The following IFT122 variants were observed in gnomAD, a reference collection of about 807,000 sequenced individuals.
IFT122 encodes the protein intraflagellar transport protein 122 homolog.
IFT122 carries 118 observed loss-of-function variants against 161.6 expected under a neutral mutation model. That is an observed-to-expected ratio of 0.73 (90% CI 0.63 to 0.85). The LOEUF is 0.85. Among genes scored for constraint, IFT122 ranks in the 40% least tolerant of loss-of-function variants. The pLI, the probability that IFT122 is intolerant of heterozygous loss-of-function variation, is 0.00. For missense variants in IFT122, 1,381 were observed against 1,579.6 expected (o/e 0.87, Z 2.13); for synonymous variants, 550 against 602.4 (o/e 0.91, Z 1.27).
chr3:129,479,620 G>A (rs532280901), intron 12 of IFT122, among the ~76,000 whole-genome samples, 165 bp from the exon 13 acceptor site: 1 of 152,294 alleles, frequency 6.6e-6, no homozygotes, highest in East Asian at 1.9e-4. Flanking sequence ...GCCTTGCATG[G>A]AGTCTTGGAT....
intron 17 of IFT122, among the ~76,000 whole-genome samples, chr3:129,493,564 C>T (rs570566794): frequency 1.8e-4 from 28 of 152,320 alleles, no homozygotes; most frequent in African/African-American, 6.5e-4. Flanking sequence ...TAGCCAAAAA[C>T]TTGGTGGAAT....
chr3:129,458,558 TA>T (rs1237361386), intron 3 of IFT122, 40 bp from the exon 4 acceptor site: 1 of 1,524,162 alleles, frequency 6.6e-7, no homozygotes, highest in East Asian at 2.2e-5. Context: ...AATGCTGGTT[TA>T]AGATAAATGT....
At position 129,502,886 on chromosome 3, in the gene IFT122, A is replaced by AG. The variant is rs752763145; in HGVS notation, c.2547+8dup. 6 of 1,608,030 alleles carry AG rather than the reference A, an allele frequency of 3.7e-6. 1 individual carries two copies. In the South Asian group the frequency reaches 5.5e-5, roughly 15 times the overall value. On this transcript the variant is annotated splice_donor_region_variant and intron_variant, in intron 20 of 29. Coordinates refer to ENST00000348417, the MANE Select transcript of IFT122 (RefSeq NM_052989.3). ...GGAGACCCAGCGCTGGGATGAGGTG[A>AG]GGGGAAAGCAGGCCTCATGGGCTGG... is the stretch of plus-strand genomic sequence containing the variant.
intron 12 of IFT122, among the ~76,000 whole-genome samples, chr3:129,479,388 A>G (rs760391278): frequency 2.6e-5 from 4 of 152,084 alleles, no homozygotes; most frequent in Non-Finnish European, 5.9e-5. Context: ...GTGAGCTATG[A>G]TAGCGCCACT....
rs2083227832 is a variant in IFT122 at position 129,514,456 on chromosome 3, T to A, written c.3055T>A (p.Tyr1019Asn). The stretch of plus-strand genomic sequence containing the variant: ...TGCCTACAGGCTGGCCCGGCACGCC[T>A]ATGACAAGCTGCGTGGCCTGTACAT... ...LGAYRLARHAYDKLRGLYIPA... is the reference protein window; with the variant it reads ...LGAYRLARHANDKLRGLYIPA... The change falls in exon 25 of 30, where the codon TAT (tyrosine) becomes AAT (asparagine). Residue 1019 changes from tyrosine (Y) to asparagine (N), a missense_variant. Physicochemically the swap from Tyr to Asn is moderately radical, Grantham distance 143. Transcript: ENST00000348417. The A allele has an allele frequency of 6.2e-7, 1 of 1,614,180 alleles. No individual in the cohort carries two copies. Among genetic ancestry groups the A allele is most frequent in the African/African-American group, 1.3e-5 (1 of 75,052 alleles).
At chr3:129,520,051 A>G (rs754006580) in intron 29 of IFT122, 125 bp from the exon 30 acceptor site, 85 of 785,376 alleles carry the variant, frequency 1.1e-4, no homozygotes, top group Non-Finnish European at 1.6e-4. Flanking sequence ...AAGGTGCTGC[A>G]GGTCTGTGTC....
chr3:129,516,411 C>G (rs1387130513), intron 26 of IFT122, among the ~76,000 whole-genome samples: 2 of 134,396 alleles, frequency 1.5e-5, no homozygotes, highest in African/African-American at 5.7e-5. Context: ...CATACAGAGA[C>G]TGCCCCTGCA....
At chr3:129,450,896 A>G (rs2107913893) in intron 2 of IFT122, among the ~76,000 whole-genome samples, 1 of 151,176 alleles carries the variant, frequency 6.6e-6, no homozygotes, top group African/African-American at 2.4e-5. Context: ...AATTTTTTGT[A>G]TTTTTAGTAG....
At chr3:129,465,893 C>T (rs558845714) in intron 7 of IFT122, among the ~76,000 whole-genome samples, 3 of 93,784 alleles carry the variant, frequency 3.2e-5, no homozygotes, top group South Asian at 7.8e-4. Context: ...CCACCCGCCT[C>T]GGCCTCCCAA....
intron 17 of IFT122, among the ~76,000 whole-genome samples, chr3:129,493,634 G>A (rs1559955261): frequency 1.3e-5 from 2 of 152,182 alleles, no homozygotes; most frequent in South Asian, 2.1e-4. Context: ...CCCTACCCGC[G>A]TGTTGTAAGG....
intron 23 of IFT122, among the ~76,000 whole-genome samples, chr3:129,510,005 C>T (rs1307425980): frequency 1.3e-5 from 2 of 152,230 alleles, no homozygotes; most frequent in African/African-American, 4.8e-5. Flanking sequence ...ATCCTTACTG[C>T]TGCTCCAGGC....
At chr3:129,459,927 A>T (rs753952779) in intron 4 of IFT122, among the ~76,000 whole-genome samples, 2 of 151,480 alleles carry the variant, frequency 1.3e-5, no homozygotes, top group Non-Finnish European at 2.9e-5. Flanking sequence ...CCAATTTTTA[A>T]ATTTTTTTTT....
chr3:129,486,844 GC>G (rs1204769320), intron 15 of IFT122, among the ~76,000 whole-genome samples: 2 of 152,202 alleles, frequency 1.3e-5, no homozygotes, highest in African/African-American at 4.8e-5. Context: ...AAAGTCACCA[GC>G]CTAGGATGTG....
At position 129,514,472 on chromosome 3, in the gene IFT122, G is replaced by A. The variant is rs140899029; in HGVS notation, c.3071G>A (p.Gly1024Asp). ...LARHAYDKLR[G>D]LYIPARFQKS... Reference sequence around the variant, plus strand: ...CGGCACGCCTATGACAAGCTGCGTGGCCTGTACATCCCTGCCAGATTCCAA... The same window carrying A: ...CGGCACGCCTATGACAAGCTGCGTGACCTGTACATCCCTGCCAGATTCCAA... The change falls in exon 25 of 30, where the codon GGC becomes GAC. Residue 1024 changes from glycine to aspartate, a missense_variant. Around this residue, in one of 7 missense-constraint regions of IFT122, gnomAD observed 496 missense variants for 502.5 expected, o/e 0.99. Coordinates refer to ENST00000348417, the MANE Select transcript of IFT122 (RefSeq NM_052989.3). 34 of 1,614,214 alleles carry A rather than the reference G, an allele frequency of 2.1e-5. No homozygotes were observed. In the African/African-American group the frequency reaches 4.1e-4, roughly 20 times the overall value.
chr3:129,499,672 G>A (rs760491048), intron 18 of IFT122, among the ~76,000 whole-genome samples: 13 of 152,176 alleles, frequency 8.5e-5, no homozygotes, highest in Non-Finnish European at 4.4e-5. Context: ...GGGGGCCAGC[G>A]TCCCTGATGC....
In IFT122 at chr3:129,519,683, G is replaced by A. The variant is rs1292686721; in HGVS notation, c.3587G>A (p.Arg1196His). The A allele has an allele frequency of 1.4e-5, 22 of 1,613,552 alleles. No homozygotes were observed. The highest frequency in any genetic ancestry group is 1.6e-4 in the Middle Eastern group (1 of 6,084). ...WPPPLRWQYF[R>H]SLLPDASITM... ...CCACCCCTGAGGTGGCAATACTTCC[G>A]CTCACTGCTGCCTGACGCCTCCATT... The change falls in exon 29 of 30, where the codon CGC (arginine) becomes CAC (histidine). Residue 1196 changes from arginine (R) to histidine (H), a missense_variant. Arg to His is a conservative substitution (Grantham distance 29). Transcript: ENST00000348417.
In IFT122 at chr3:129,490,564, T is replaced by C. The variant is rs544933969; in HGVS notation, c.1993-1577T>C. On this transcript the variant is annotated intron_variant, in intron 16 of 29. Coordinates refer to ENST00000348417, the MANE Select transcript of IFT122 (RefSeq NM_052989.3). ...TTATTAATGGGCAAATCCTAGACAC[T>C]AGCACAGCTGAGCTACAGCTAGAAA... 1.4e-4 allele frequency among the ~76,000 whole-genome samples: 21 copies of C among 152,350 alleles called. No homozygotes were observed. In the South Asian group the frequency reaches 4.3e-3, roughly 32 times the overall value.
intron 19 of IFT122, among the ~76,000 whole-genome samples, chr3:129,500,577 T>G (rs1265635511): frequency 6.6e-6 from 1 of 152,026 alleles, no homozygotes. Context: ...AGGGAAGAAT[T>G]CTTATGGGAG....
intron 9 of IFT122, among the ~76,000 whole-genome samples, chr3:129,469,945 G>A (rs2077192483): frequency 6.6e-6 from 1 of 152,156 alleles, no homozygotes; most frequent in Admixed American, 6.5e-5. Flanking sequence ...TGTGGTATGT[G>A]ACACAATAGA....
Sources: gnomAD v4.1 joint callset for allele counts (sites outside exome capture counted in the v4.1 genomes callset) on GRCh38, gnomAD v4.1.1 for gene constraint, gnomAD v4.1.1 regional missense constraint, MANE v1.5 for transcripts, NCBI Gene and HGNC (gene_info 2026-07-23, HGNC 2026-07-21) for gene names.